The following GLIS3 variants were observed in gnomAD, a reference collection of about 807,000 sequenced individuals.
GLIS3 encodes GLIS family zinc finger 3, also known as zinc finger protein GLIS3.
A neutral mutation model predicts 78.6 loss-of-function variants in GLIS3; 53 were observed. That is an observed-to-expected ratio of 0.67 (90% CI 0.54 to 0.85). The LOEUF (loss-of-function observed/expected upper bound fraction) is 0.85. Ranked by LOEUF, GLIS3 falls within the 40% of genes least tolerant of loss-of-function variation. The pLI, the probability that GLIS3 is intolerant of heterozygous loss-of-function variation, is 0.00. For synonymous variants in GLIS3, 684 were observed against 509.9 expected (o/e 1.34, Z -4.60); for missense variants, 1,703 against 1,231.1 (o/e 1.38, Z -5.74).
intron 8 of GLIS3, among the ~76,000 whole-genome samples, chr9:3,867,316 C>T (rs761266714): frequency 1.3e-5 from 2 of 152,168 alleles, no homozygotes; most frequent in Non-Finnish European, 2.9e-5. Flanking sequence ...AAGAAAGCAA[C>T]CAATGTCATC....
chr9:4,322,473 C>G (rs569190569), intron 2 of GLIS3, among the ~76,000 whole-genome samples: 14 of 152,284 alleles, frequency 9.2e-5, no homozygotes, highest in African/African-American at 3.1e-4. Flanking sequence ...TGAGGAATCG[C>G]CACACTGTCT....
At chr9:4,154,265 A>G (rs1042717818) in intron 2 of GLIS3, among the ~76,000 whole-genome samples, 2 of 152,198 alleles carry the variant, frequency 1.3e-5, no homozygotes, top group Admixed American at 6.5e-5. Context: ...ATCTCTTGAC[A>G]TAAGAGTGGG....
chr9:4,230,310 C>A (rs186551385), intron 2 of GLIS3, among the ~76,000 whole-genome samples: 94 of 152,226 alleles, frequency 6.2e-4, no homozygotes, highest in African/African-American at 2.2e-3. Context: ...GAACTGCAGG[C>A]CAGAAGCAGG....
chr9:3,920,349 G>C (rs1020491789), intron 6 of GLIS3, among the ~76,000 whole-genome samples: 5 of 152,144 alleles, frequency 3.3e-5, no homozygotes, highest in Non-Finnish European at 5.9e-5. Context: ...TGCTTTTGGT[G>C]ATGGTTGAAG....
chr9:4,402,741 T>C, the GLIS3 span, among the ~76,000 whole-genome samples: 6 of 152,100 alleles, frequency 3.9e-5, no homozygotes, highest in East Asian at 5.8e-4. Context: ...GAAAGACTTA[T>C]TGAGCTTGAA....
At chr9:4,069,489 C>T (rs1296619211) in intron 4 of GLIS3, among the ~76,000 whole-genome samples, 3 of 152,150 alleles carry the variant, frequency 2.0e-5, no homozygotes, top group African/African-American at 7.2e-5. Context: ...AAGACCAGTC[C>T]CTGAGTCTGG....
intron 4 of GLIS3, among the ~76,000 whole-genome samples, chr9:4,114,458 G>C (rs952168768): frequency 3.9e-5 from 6 of 152,148 alleles, no homozygotes; most frequent in African/African-American, 1.4e-4. Context: ...GTTCTGACCT[G>C]TGACCTTACC....
chr9:4,467,292 C>T, the GLIS3 span, among the ~76,000 whole-genome samples: 2 of 152,128 alleles, frequency 1.3e-5, no homozygotes, highest in African/African-American at 4.8e-5. Context: ...GGTGGTTCTC[C>T]CAGCATGGAG....
In GLIS3 at chr9:4,118,878, G is replaced by C; in HGVS notation, c.600C>G (p.Ser200=). The C allele has an allele frequency of 6.2e-7, 1 of 1,601,056 alleles. No individual in the cohort carries two copies. The highest frequency in any genetic ancestry group is 8.5e-7 in the Non-Finnish European group (1 of 1,179,894). The change falls in exon 4 of 11, where the codon TCC becomes TCG. Residue 200 remains serine (S), a synonymous_variant. Transcript: ENST00000381971. The surrounding 1 kb of genome is among the most constrained non-coding windows in gnomAD (Gnocchi z 4.7). ...NLNIPPSDTR[S]LISRESLAST... ...ACGCCAAAGACTCACGCGAAATAAG[G>C]GACCTGGAACAGCAGCCAGAAAGGA...
At chr9:3,865,129 A>T (rs1242017782) in intron 8 of GLIS3, among the ~76,000 whole-genome samples, 2 of 152,160 alleles carry the variant, frequency 1.3e-5, no homozygotes, top group African/African-American at 2.4e-5. Context: ...TAAAACAGAA[A>T]TTTTTTCTCC....
chr9:4,358,986 C>T, the GLIS3 span, among the ~76,000 whole-genome samples: 3 of 152,192 alleles, frequency 2.0e-5, no homozygotes, highest in African/African-American at 7.2e-5. Flanking sequence ...TCACTAGTCC[C>T]ATCCTCAGCA....
the GLIS3 span, among the ~76,000 whole-genome samples, chr9:4,355,787 G>A: frequency 3.2e-4 from 49 of 152,106 alleles, 1 homozygote; most frequent in Non-Finnish European, 6.2e-4. Context: ...ACTGAGCATT[G>A]CACCTATACA....
the GLIS3 span, among the ~76,000 whole-genome samples, chr9:4,467,901 G>A: frequency 6.6e-6 from 1 of 152,164 alleles, no homozygotes; most frequent in Non-Finnish European, 1.5e-5. Flanking sequence ...AAAAAGATTA[G>A]ACGAATGGCT....
chr9:4,355,663 ACAGCTAGGGACACTAACT>A, the GLIS3 span, among the ~76,000 whole-genome samples: 1 of 152,200 alleles, frequency 6.6e-6, no homozygotes, highest in Non-Finnish European at 1.5e-5. Context: ...CCATCTTTTA[ACAGCTAGGGACACTAACT>A]CAGCAAACCT....
chr9:3,832,849 A>C (rs1214957678), intron 9 of GLIS3, among the ~76,000 whole-genome samples: 1 of 152,176 alleles, frequency 6.6e-6, no homozygotes, highest in East Asian at 1.9e-4. Context: ...TTTTTCACTA[A>C]ACTCCCACAA....
At chr9:3,831,870 G>C (rs1432195658) in intron 9 of GLIS3, among the ~76,000 whole-genome samples, 1 of 151,996 alleles carries the variant, frequency 6.6e-6, no homozygotes, top group Non-Finnish European at 1.5e-5. Flanking sequence ...ATACAAAATT[G>C]AATACAAAGC....
At chr9:4,073,021 T>TA (rs5896045) in intron 4 of GLIS3, among the ~76,000 whole-genome samples, 3,299 of 149,016 alleles carry the variant, frequency 0.022, 77 homozygotes, top group African/African-American at 0.058. Context: ...CTTTTTTCTT[T>TA]AAAAAAAAAA....
chr9:4,125,796 G>C lies in GLIS3; in HGVS notation c.534C>G (p.Ile178Met). ...ASQVSTACNQ[I>M]SPSLQRAMNA... Reference sequence around the variant, plus strand: ...TCATTGCCCTCTGTAAGCTAGGACTGATCTGGTTGCATGCTGTAGAGACCT... The same window carrying C: ...TCATTGCCCTCTGTAAGCTAGGACTCATCTGGTTGCATGCTGTAGAGACCT... The change falls in exon 3 of 11, where the codon ATC becomes ATG. Residue 178 changes from isoleucine (I) to methionine (M), a missense_variant. Coordinates refer to ENST00000381971, the MANE Select transcript of GLIS3 (RefSeq NM_001042413.2). The C allele has an allele frequency of 6.2e-7, 1 of 1,614,162 alleles. No individual in the cohort carries two copies. The highest frequency in any genetic ancestry group is 8.5e-7 in the Non-Finnish European group (1 of 1,179,994).
intron 6 of GLIS3, among the ~76,000 whole-genome samples, chr9:3,915,407 T>A (rs1416943098): frequency 6.6e-6 from 1 of 151,870 alleles, no homozygotes; most frequent in Admixed American, 6.6e-5. Flanking sequence ...TCACAAGCAC[T>A]GTCCAGGATT....
Sources: gnomAD v4.1 joint callset for allele counts (sites outside exome capture counted in the v4.1 genomes callset) on GRCh38, gnomAD v4.1.1 for gene constraint, Gnocchi (gnomAD v3.1) non-coding constraint, MANE v1.5 for transcripts, NCBI Gene and HGNC (gene_info 2026-07-23, HGNC 2026-07-21) for gene names.